Variants in DCDC2 observed in about 807,000 individuals in gnomAD.
The protein encoded by DCDC2 is doublecortin domain containing 2.
Under a neutral mutation model 50.2 loss-of-function variants are expected in DCDC2, and 40 were observed. The ratio of observed to expected loss-of-function variants is 0.80; its 90% CI spans 0.62 to 1.04. The LOEUF is 1.04. Ranked by LOEUF, DCDC2 falls within the 50% of genes least tolerant of loss-of-function variation. DCDC2 has a pLI of 0.00. For missense variants in DCDC2, 570 were observed against 581.9 expected, an observed-to-expected ratio of 0.98 and a Z score of 0.21; for synonymous variants, 234 against 210.6, an observed-to-expected ratio of 1.11 and a Z score of -0.96.
At chr6:24,210,040 G>A (rs1335104810) in intron 7 of DCDC2, among the ~76,000 whole-genome samples, 1 of 145,696 alleles carries the variant, frequency 6.9e-6, no homozygotes, top group African/African-American at 2.8e-5. Context: ...GTGTGTGTGT[G>A]TGTGTGTGTG....
At chr6:24,316,215 G>T (rs1017651054) in intron 2 of DCDC2, among the ~76,000 whole-genome samples, 1 of 152,102 alleles carries the variant, frequency 6.6e-6, no homozygotes, top group Admixed American at 6.6e-5. Context: ...CACAGATGTG[G>T]GAGTAATCAG....
chr6:24,221,596 G>T (rs563410995), intron 7 of DCDC2, among the ~76,000 whole-genome samples: 1 of 152,322 alleles, frequency 6.6e-6, no homozygotes, highest in South Asian at 2.1e-4. Flanking sequence ...AACATGGTCA[G>T]GTTACATACA....
At chr6:24,382,001 AAGGAAGGAAGGC>A in the DCDC2 span, among the ~76,000 whole-genome samples, 2,892 of 113,110 alleles carry the variant, frequency 0.026, 106 homozygotes, top group African/African-American at 0.087. Flanking sequence ...GGAAGGAAGG[AAGGAAGGAAGGC>A]AGGCAAGCTA....
At chr6:24,315,498 A>G (rs566274909) in intron 2 of DCDC2, among the ~76,000 whole-genome samples, 6 of 152,310 alleles carry the variant, frequency 3.9e-5, no homozygotes, top group Non-Finnish European at 8.8e-5. Context: ...CATTCATTCA[A>G]TGACATCTAT....
chr6:24,259,799 T>C (rs1762971671), intron 7 of DCDC2, among the ~76,000 whole-genome samples: 1 of 152,212 alleles, frequency 6.6e-6, no homozygotes, highest in African/African-American at 2.4e-5. Flanking sequence ...AAAGCCTTGC[T>C]TGGTTACTCT....
At chr6:24,195,177 G>C (rs1319053017) in intron 8 of DCDC2, among the ~76,000 whole-genome samples, 1 of 152,030 alleles carries the variant, frequency 6.6e-6, no homozygotes, top group Non-Finnish European at 1.5e-5. Context: ...CAGTTTCATG[G>C]GTGCTGGCAG....
the DCDC2 span, among the ~76,000 whole-genome samples, chr6:24,378,901 A>G: frequency 7.1e-6 from 1 of 140,218 alleles, no homozygotes; most frequent in Non-Finnish European, 1.5e-5. Context: ...GCAGTGAGCT[A>G]TGAGTGTGCC....
At chr6:24,382,009 A>AGGC in the DCDC2 span, among the ~76,000 whole-genome samples, 1,833 of 116,440 alleles carry the variant, frequency 0.016, 22 homozygotes, top group Non-Finnish European at 0.02. Context: ...GGAAGGAAGG[A>AGGC]AGGCAGGCAA....
In DCDC2 at chr6:24,304,807, A is replaced by AT. The variant is rs199661149; in HGVS notation, c.349-2764dup. Among the ~76,000 whole-genome samples the AT allele has an allele frequency of 1.1e-4, 16 of 151,946 alleles. No homozygotes were observed. In the South Asian group the frequency reaches 1.5e-3, roughly 14 times the overall value. On this transcript the variant is annotated intron_variant, in intron 2 of 9. Transcript: ENST00000378454. ...GGTACTTACAAGTGAGGGTTATATC[A>AT]TTTTTTTTCCCTTTTAGAGACAGGG...
At chr6:24,327,635 G>T (rs1321590168) in intron 2 of DCDC2, among the ~76,000 whole-genome samples, 2 of 151,736 alleles carry the variant, frequency 1.3e-5, no homozygotes, top group East Asian at 3.9e-4. Context: ...CACCACACCC[G>T]GCTAATTTTT....
At chr6:24,179,397 A>T (rs1761001460) in intron 8 of DCDC2, among the ~76,000 whole-genome samples, 1 of 150,258 alleles carries the variant, frequency 6.7e-6, no homozygotes, top group Non-Finnish European at 1.5e-5. Flanking sequence ...AATACAAAAA[A>T]ATTAGCTGGG....
chr6:24,346,985 G>C (rs1419574820), intron 2 of DCDC2, among the ~76,000 whole-genome samples: 2 of 152,106 alleles, frequency 1.3e-5, no homozygotes, highest in Non-Finnish European at 2.9e-5. Flanking sequence ...GGAAGAAAAA[G>C]GCTAAGCAAT....
chr6:24,288,998 T>C (rs1347780549), intron 5 of DCDC2, 92 bp from the exon 6 acceptor site: 48 of 872,336 alleles, frequency 5.5e-5, no homozygotes, highest in Non-Finnish European at 8.6e-5. Flanking sequence ...GGAAGTCAAC[T>C]GTTTACTGCT....
At chr6:24,214,317 T>C (rs1761932704) in intron 7 of DCDC2, among the ~76,000 whole-genome samples, 1 of 152,206 alleles carries the variant, frequency 6.6e-6, no homozygotes, top group Non-Finnish European at 1.5e-5. Context: ...ATTCTAAGTG[T>C]AGACAGAAAA....
At chr6:24,298,414 T>C (rs1375768410) in intron 4 of DCDC2, among the ~76,000 whole-genome samples, 1 of 152,228 alleles carries the variant, frequency 6.6e-6, no homozygotes, top group East Asian at 1.9e-4. Context: ...GATATAAATA[T>C]GTGGCATTTA....
Position 24,290,950 on chromosome 6 carries a change from G to A in DCDC2, c.686C>T (p.Thr229Met), listed in dbSNP as rs374355407. Residue 229 changes from threonine to methionine, a missense_variant, in exon 5 of 10, where the codon ACG (threonine) becomes ATG (methionine). Thr to Met is a moderately conservative substitution (Grantham distance 81). Transcript: ENST00000378454. Reference protein sequence around the residue: ...PYSELLFDKSTMRRPFGQKAS... With the variant: ...PYSELLFDKSMMRRPFGQKAS... ...GACTTACCCAAAAGGCCTTCTCATCGTTGACTTGTCAAAAAGTAACTCACT... is the reference window on the plus strand; with the variant it reads ...GACTTACCCAAAAGGCCTTCTCATCATTGACTTGTCAAAAAGTAACTCACT... 1.5e-5 allele frequency: 24 copies of A among 1,613,398 alleles called. No homozygotes were observed. Among genetic ancestry groups the A allele is most frequent in the Admixed American group, 1.3e-4 (8 of 59,786 alleles).
intron 8 of DCDC2, among the ~76,000 whole-genome samples, chr6:24,189,295 G>A (rs1360978895): frequency 1.3e-5 from 2 of 152,184 alleles, no homozygotes; most frequent in Non-Finnish European, 2.9e-5. Context: ...TAGAGAATAT[G>A]CATGCAGTTA....
At chr6:24,229,027 C>T (rs890845687) in intron 7 of DCDC2, among the ~76,000 whole-genome samples, 18 of 152,326 alleles carry the variant, frequency 1.2e-4, no homozygotes, top group Non-Finnish European at 1.6e-4. Flanking sequence ...TAAGTAGATG[C>T]GTTGTGAAAA....
intron 2 of DCDC2, among the ~76,000 whole-genome samples, chr6:24,348,312 G>T (rs1321716817): frequency 1.3e-5 from 2 of 152,146 alleles, no homozygotes; most frequent in Non-Finnish European, 2.9e-5. Flanking sequence ...TTAACCAGGG[G>T]TTGTATGAGA....
Sources: allele counts gnomAD v4.1 joint callset (sites outside exome capture counted in the v4.1 genomes callset), GRCh38; gene constraint gnomAD v4.1.1; transcripts MANE v1.5; gene names NCBI Gene and HGNC (gene_info 2026-07-23, HGNC 2026-07-21).